LRTM3: variants seen among roughly 807,000 people sequenced by gnomAD.
The protein encoded by LRTM3 is leucine-rich repeat transmembrane protein 3.
the LRTM3 span, chr13:102,749,073 G>A: frequency 1.3e-6 from 2 of 1,550,074 alleles, no homozygotes; most frequent in Non-Finnish European, 1.7e-6. Context: ...GAAATAAGAT[G>A]CAAAGCTATA....
the LRTM3 span, chr13:102,747,820 T>C: frequency 6.4e-7 from 1 of 1,551,282 alleles, no homozygotes; most frequent in South Asian, 1.2e-5. Flanking sequence ...GAGTTTGTGG[T>C]TGGACTTCTT....
the LRTM3 span, chr13:102,732,828 T>C: frequency 2.6e-6 from 4 of 1,551,368 alleles, 1 homozygote; most frequent in Middle Eastern, 5.0e-4. Flanking sequence ...GTACTATCAT[T>C]GTCCATTTCT....
chr13:102,742,290 G>T, the LRTM3 span: 17 of 1,550,064 alleles, frequency 1.1e-5, no homozygotes, highest in South Asian at 2.0e-4. Context: ...AATTTTATCT[G>T]TTTGGTATGC....
the LRTM3 span, chr13:102,741,886 T>A: frequency 3.2e-6 from 5 of 1,550,300 alleles, no homozygotes; most frequent in East Asian, 9.8e-5. Flanking sequence ...AACTAATCCT[T>A]AACGGTCCAA....
the LRTM3 span, chr13:102,750,527 TACAAA>T: frequency 1.8e-6 from 1 of 565,736 alleles, no homozygotes; most frequent in East Asian, 2.8e-5. Flanking sequence ...TTATCCATAT[TACAAA>T]ACAATTCATT....
At chr13:102,745,387 G>A in the LRTM3 span, 3 of 1,550,302 alleles carry the variant, frequency 1.9e-6, no homozygotes, top group African/African-American at 2.7e-5. Flanking sequence ...TTTCTACCTT[G>A]CTATACTTGT....
At chr13:102,758,961 G>A in the LRTM3 span, 1 of 1,325,054 alleles carries the variant, frequency 7.5e-7, no homozygotes, top group African/African-American at 1.5e-5. Flanking sequence ...AGAGACTGGT[G>A]TCTCATTCAG....
chr13:102,738,410 T>TGAGAAG, the LRTM3 span: 2 of 1,550,868 alleles, frequency 1.3e-6, no homozygotes, highest in South Asian at 2.4e-5. Context: ...CAGTTGTAAA[T>TGAGAAG]GAGAAGGAGA....
the LRTM3 span, among the ~76,000 whole-genome samples, chr13:102,750,869 C>T: frequency 1.1e-3 from 167 of 152,230 alleles, no homozygotes; most frequent in African/African-American, 3.7e-3. Context: ...TAGGGAAGCA[C>T]GTCTCAGTAC....
At chr13:102,743,922 C>T in the LRTM3 span, 18 of 1,550,414 alleles carry the variant, frequency 1.2e-5, no homozygotes, top group Non-Finnish European at 1.6e-5. Flanking sequence ...AAAATTGCAG[C>T]TACATTTTCT....
At chr13:102,733,293 A>T in the LRTM3 span, 1 of 1,551,316 alleles carries the variant, frequency 6.4e-7, no homozygotes, top group Non-Finnish European at 8.7e-7. Context: ...TGTGGTGCTA[A>T]CACTTTGGGA....
At chr13:102,735,598 T>C in the LRTM3 span, 911 of 1,551,070 alleles carry the variant, frequency 5.9e-4, 7 homozygotes, top group African/African-American at 0.011. Flanking sequence ...ATTGCTTTGC[T>C]TTCAGGTCTG....
chr13:102,739,108 G>A, the LRTM3 span: 7 of 1,550,398 alleles, frequency 4.5e-6, no homozygotes, highest in South Asian at 6.0e-5. Context: ...TCCATTCCAA[G>A]TGAGGTGGAG....
chr13:102,740,853 A>T, the LRTM3 span: 5 of 1,549,948 alleles, frequency 3.2e-6, no homozygotes, highest in South Asian at 6.0e-5. Flanking sequence ...ACCTTTGGTG[A>T]CTTAATCTGA....
At chr13:102,740,491 A>G in the LRTM3 span, 1 of 1,550,108 alleles carries the variant, frequency 6.5e-7, no homozygotes, top group Non-Finnish European at 8.7e-7. Context: ...TATGCTCCCA[A>G]AAGTTCTCAT....
At chr13:102,754,434 G>A in the LRTM3 span, among the ~76,000 whole-genome samples, 3 of 151,994 alleles carry the variant, frequency 2.0e-5, no homozygotes, top group Non-Finnish European at 4.4e-5. Context: ...AGTCTCAAGG[G>A]CCTACAGCAA....
the LRTM3 span, chr13:102,734,999 G>A: frequency 6.4e-7 from 1 of 1,551,092 alleles, no homozygotes; most frequent in South Asian, 1.2e-5. Context: ...TTTTACTAGG[G>A]GAAAAGAGGG....
the LRTM3 span, chr13:102,758,343 AT>A: frequency 1.8e-6 from 2 of 1,125,376 alleles, no homozygotes; most frequent in Non-Finnish European, 2.5e-6. Context: ...AGTAAAGGCA[AT>A]TTTGAATAGA....
chr13:102,752,220 C>T, the LRTM3 span, among the ~76,000 whole-genome samples: 1 of 152,184 alleles, frequency 6.6e-6, no homozygotes, highest in African/African-American at 2.4e-5. Context: ...CATGCTAAAG[C>T]TGCCATTTTT....
Sources: gnomAD v4.1 joint callset for allele counts (sites outside exome capture counted in the v4.1 genomes callset) on GRCh38, gnomAD v4.1.1 for gene constraint, MANE v1.5 for transcripts, NCBI Gene and HGNC (gene_info 2026-07-23, HGNC 2026-07-21) for gene names.